HS6ST2: variants seen among roughly 807,000 people sequenced by gnomAD.
The protein encoded by HS6ST2 is heparan-sulfate 6-O-sulfotransferase 2.
In HS6ST2, 17 loss-of-function variants were observed where a neutral mutation model predicts 33.0. That is an observed-to-expected ratio of 0.52 (90% CI 0.35 to 0.77). HS6ST2 has a LOEUF of 0.77. Among genes scored for constraint, HS6ST2 ranks in the 30% least tolerant of loss-of-function variants. The probability of loss-of-function intolerance (pLI) is 0.01; values close to 1 mark genes in which losing one functional copy is unlikely to be tolerated. For missense variants in HS6ST2, 519 were observed against 551.7 expected, an observed-to-expected ratio of 0.94 and a Z score of 0.59; for synonymous variants, 248 against 237.1, an observed-to-expected ratio of 1.05 and a Z score of -0.42.
intron 2 of HS6ST2, among the ~76,000 whole-genome samples, chrX:132,756,869 C>T (rs771035281): frequency 3.8e-4 from 40 of 105,706 alleles, no homozygotes; most frequent in Admixed American, 8.2e-4. Context: ...TTTCAGTACC[C>T]GAGAGTCATG....
chrX:132,931,104 A>T (rs1373560215), intron 2 of HS6ST2, among the ~76,000 whole-genome samples: 1 of 111,788 alleles, frequency 8.9e-6, no homozygotes, highest in African/African-American at 3.3e-5. Context: ...TATAGCAAAT[A>T]AGGAAAGATT....
chrX:132,692,686 C>T (rs893539762), intron 3 of HS6ST2, among the ~76,000 whole-genome samples: 1 of 111,841 alleles, frequency 8.9e-6, no homozygotes, highest in African/African-American at 3.2e-5. Context: ...AATCCTGCTT[C>T]TCTTTGAAAA....
intron 2 of HS6ST2, among the ~76,000 whole-genome samples, chrX:132,844,573 G>A (rs1368088615): frequency 3.6e-5 from 4 of 110,703 alleles, no homozygotes; most frequent in Non-Finnish European, 7.6e-5. Context: ...CTCTACCAGG[G>A]CAGCCATCAG....
chrX:132,750,989 C>T (rs2064701776), intron 2 of HS6ST2, among the ~76,000 whole-genome samples: 1 of 112,369 alleles, frequency 8.9e-6, no homozygotes, highest in Non-Finnish European at 1.9e-5. Flanking sequence ...GGATGAGGTG[C>T]AGGGCACAGA....
intron 3 of HS6ST2, among the ~76,000 whole-genome samples, chrX:132,685,862 C>A (rs1291055760): frequency 8.9e-6 from 1 of 112,281 alleles, no homozygotes; most frequent in Non-Finnish European, 1.9e-5. Context: ...CAGCAACATG[C>A]AAATGTTGAA....
intron 4 of HS6ST2, among the ~76,000 whole-genome samples, chrX:132,658,671 T>A (rs992640598): frequency 1.8e-5 from 2 of 112,375 alleles, no homozygotes; most frequent in African/African-American, 6.5e-5. Context: ...TTCCAGTCTG[T>A]AAGATGTAGA....
chrX:132,629,763 C>A (rs750134894), intron 4 of HS6ST2, among the ~76,000 whole-genome samples: 1 of 111,804 alleles, frequency 8.9e-6, no homozygotes, highest in East Asian at 2.8e-4. Flanking sequence ...CAGCAATAAA[C>A]GCTGTGGTTA....
chrX:132,662,822 T>C (rs1176727255), intron 4 of HS6ST2, among the ~76,000 whole-genome samples: 1 of 112,206 alleles, frequency 8.9e-6, no homozygotes, highest in African/African-American at 3.2e-5. Flanking sequence ...GTTTATGTTA[T>C]GTTATTATGT....
At chrX:132,920,498 T>C (rs996562734) in intron 2 of HS6ST2, among the ~76,000 whole-genome samples, 1 of 112,016 alleles carries the variant, frequency 8.9e-6, no homozygotes, top group Non-Finnish European at 1.9e-5. Flanking sequence ...GAACAAATTG[T>C]TGATCGATGT....
intron 2 of HS6ST2, among the ~76,000 whole-genome samples, chrX:132,934,580 TAGATTA>T (rs895493785): frequency 1.8e-5 from 2 of 111,646 alleles, no homozygotes; most frequent in Non-Finnish European, 3.8e-5. Flanking sequence ...TTAATATACA[TAGATTA>T]AGCCCTAGAG....
At chrX:132,735,200 A>G (rs2064496931) in intron 2 of HS6ST2, 1 of 111,850 alleles carries the variant, frequency 8.9e-6, no homozygotes, top group African/African-American at 3.2e-5. Context: ...ATCAGTTGTC[A>G]ACGGAGCCAT....
chrX:132,661,760 A>G (rs2063775383), intron 4 of HS6ST2, among the ~76,000 whole-genome samples: 1 of 112,044 alleles, frequency 8.9e-6, no homozygotes, highest in Admixed American at 9.5e-5. Flanking sequence ...TAAAGGAAGA[A>G]TGGTTGGGTG....
At chrX:132,774,776 G>A (rs1455990717) in intron 2 of HS6ST2, among the ~76,000 whole-genome samples, 2 of 110,555 alleles carry the variant, frequency 1.8e-5, no homozygotes, top group Non-Finnish European at 3.8e-5. Flanking sequence ...TGCCTTCTGA[G>A]TTCAAGTGAT....
At position 132,835,650 on chromosome X, in the gene HS6ST2, G is replaced by A. The variant is rs1017882057; in HGVS notation, c.947+121158C>T. Among the ~76,000 whole-genome samples the A allele has an allele frequency of 1.6e-4, 18 of 112,163 alleles. 1 individual carries two copies. Among genetic ancestry groups the A allele is most frequent in the Non-Finnish European group, 1.1e-4 (6 of 53,213 alleles). On this transcript the variant is annotated intron_variant, in intron 2 of 4. Transcript: ENST00000370833. ...AAGAAATCTGTTATAAACATTTTAGGCCACGCCTGTAATGCCAGCACTTTG... is the reference window on the plus strand; with the variant it reads ...AAGAAATCTGTTATAAACATTTTAGACCACGCCTGTAATGCCAGCACTTTG...
chrX:132,743,001 A>T (rs1195602583), intron 2 of HS6ST2, among the ~76,000 whole-genome samples: 1 of 111,594 alleles, frequency 9.0e-6, no homozygotes, highest in Non-Finnish European at 1.9e-5. Flanking sequence ...TCAATTCAAG[A>T]CTCACAAAAC....
At chrX:132,821,137 G>A (rs1056286611) in intron 2 of HS6ST2, among the ~76,000 whole-genome samples, 1 of 107,946 alleles carries the variant, frequency 9.3e-6, no homozygotes, top group Non-Finnish European at 1.9e-5. Flanking sequence ...CTTACTTATA[G>A]TTACTGAGAG....
chrX:132,719,994 G>T (rs2064314164), intron 2 of HS6ST2, among the ~76,000 whole-genome samples: 1 of 112,387 alleles, frequency 8.9e-6, no homozygotes, highest in African/African-American at 3.2e-5. Flanking sequence ...TAGCTGGGAT[G>T]ATGCTGTGGG....
chrX:132,886,570 A>G (rs1286156717), intron 2 of HS6ST2, among the ~76,000 whole-genome samples: 1 of 111,065 alleles, frequency 9.0e-6, no homozygotes, highest in Non-Finnish European at 1.9e-5. Context: ...ATAGCCTACA[A>G]CCAAAAAGAT....
intron 2 of HS6ST2, among the ~76,000 whole-genome samples, chrX:132,850,518 A>G (rs1225998410): frequency 2.7e-5 from 3 of 111,332 alleles, no homozygotes; most frequent in Non-Finnish European, 3.8e-5. Flanking sequence ...TGAGGGGAGC[A>G]CCTATGAATC....
Sources: gnomAD v4.1 joint callset for allele counts (sites outside exome capture counted in the v4.1 genomes callset) on GRCh38, gnomAD v4.1.1 for gene constraint, MANE v1.5 for transcripts, NCBI Gene and HGNC (gene_info 2026-07-23, HGNC 2026-07-21) for gene names.